Variants in CADPS2 observed in about 807,000 individuals in gnomAD.
CADPS2 encodes the protein calcium-dependent secretion activator 2.
In CADPS2, 93 loss-of-function variants were observed where a neutral mutation model predicts 172.5. The ratio of observed to expected loss-of-function variants is 0.54; its 90% CI spans 0.46 to 0.64. The LOEUF (loss-of-function observed/expected upper bound fraction) is 0.64. Among genes scored for constraint, CADPS2 ranks in the 30% least tolerant of loss-of-function variants. The pLI, the probability that CADPS2 is intolerant of heterozygous loss-of-function variation, is 0.00. For missense variants in CADPS2, 1,420 were observed against 1,565.9 expected (o/e 0.91, Z 1.57); for synonymous variants, 546 against 555.2 (o/e 0.98, Z 0.23).
At chr7:122,694,874 T>C (rs1477722384) in intron 2 of CADPS2, among the ~76,000 whole-genome samples, 1 of 152,196 alleles carries the variant, frequency 6.6e-6, no homozygotes, top group Non-Finnish European at 1.5e-5. Context: ...AAAGACTCCT[T>C]CACAGTAGCA....
chr7:122,728,405 G>A (rs1429901414), intron 2 of CADPS2, among the ~76,000 whole-genome samples: 1 of 151,870 alleles, frequency 6.6e-6, no homozygotes, highest in African/African-American at 2.4e-5. Flanking sequence ...TAAGTGAAAT[G>A]GAATGATACC....
intron 6 of CADPS2, among the ~76,000 whole-genome samples, chr7:122,586,381 C>A (rs2069692957): frequency 6.6e-6 from 1 of 151,916 alleles, no homozygotes; most frequent in African/African-American, 2.4e-5. Flanking sequence ...GTAGCTAGAG[C>A]ACTAGATATA....
intron 1 of CADPS2, among the ~76,000 whole-genome samples, chr7:122,817,713 A>G (rs1801890254): frequency 6.6e-6 from 1 of 151,302 alleles, no homozygotes; most frequent in Admixed American, 6.6e-5. Flanking sequence ...GGGAGGGGCA[A>G]GTACCCCTCA....
chr7:122,531,957 G>A (rs2061791475), intron 8 of CADPS2, among the ~76,000 whole-genome samples: 2 of 151,890 alleles, frequency 1.3e-5, no homozygotes, highest in South Asian at 2.1e-4. Context: ...CTTGAGCCCA[G>A]GAGGCGGAGG....
chr7:122,480,707 T>C (rs1256299339), intron 12 of CADPS2, 145 bp downstream of exon 12: 1 of 528,272 alleles, frequency 1.9e-6, no homozygotes, highest in Non-Finnish European at 3.2e-6. Flanking sequence ...TTTTGTTTTG[T>C]AATCAATAAA....
At chr7:122,330,206 G>C (rs2034678196) in intron 28 of CADPS2, among the ~76,000 whole-genome samples, 1 of 152,312 alleles carries the variant, frequency 6.6e-6, no homozygotes, top group Middle Eastern at 3.4e-3. Context: ...ATAACGCCAA[G>C]AAAATCTCAC....
In CADPS2 at chr7:122,558,454, CTCATT is replaced by C. The variant is rs559596118; in HGVS notation, c.1336-3770_1336-3766del. ...CTTTCCGTATGCATTTCTGCTTCTT[CTCATT>C]TATTTTTGTCACCAACACTTTAAAT... On this transcript the variant is annotated intron_variant, in intron 7 of 29. Coordinates refer to ENST00000449022, the MANE Select transcript of CADPS2 (RefSeq NM_017954.11). 1.1e-3 allele frequency among the ~76,000 whole-genome samples: 175 copies of C among 152,216 alleles called. No individual in the cohort carries two copies. In the Middle Eastern group the frequency reaches 0.014, roughly 12 times the overall value.
intron 1 of CADPS2, among the ~76,000 whole-genome samples, chr7:122,829,246 TCAC>T (rs1805801612): frequency 2.0e-5 from 3 of 152,128 alleles, no homozygotes; most frequent in Admixed American, 1.3e-4. Context: ...AACCTTCTAC[TCAC>T]CACATTTTAA....
chr7:122,403,744 C>CATTCATTGTAGATAAGTA lies in CADPS2; in HGVS notation c.2746+3778_2746+3795dup, dbSNP rs1255125103. ...TAATTCATTGGAATTAATGATATTC[C>CATTCATTGTAGATAAGTA]ATTCATTGTAGATAAGTAATTCATT... On this transcript the variant is annotated intron_variant, in intron 20 of 29. Coordinates refer to ENST00000449022, the MANE Select transcript of CADPS2 (RefSeq NM_017954.11). Among the ~76,000 whole-genome samples, 578 of 151,876 alleles carry CATTCATTGTAGATAAGTA rather than the reference C, an allele frequency of 3.8e-3. 4 individuals are homozygous for CATTCATTGTAGATAAGTA. The highest frequency in any genetic ancestry group is 0.013 in the African/African-American group (544 of 41,370).
At chr7:122,806,049 T>C (rs1029591775) in intron 1 of CADPS2, among the ~76,000 whole-genome samples, 3 of 152,216 alleles carry the variant, frequency 2.0e-5, no homozygotes, top group Admixed American at 1.3e-4. Context: ...TATGATCATT[T>C]CTGAAAATAT....
chr7:122,541,362 ATTTT>A (rs34290734), intron 8 of CADPS2, among the ~76,000 whole-genome samples: 1 of 132,644 alleles, frequency 7.5e-6, no homozygotes, highest in African/African-American at 2.8e-5. Flanking sequence ...ACACCCAGCT[ATTTT>A]TTTTTTTTTT....
At chr7:122,725,169 C>G (rs914974856) in intron 2 of CADPS2, among the ~76,000 whole-genome samples, 5 of 151,876 alleles carry the variant, frequency 3.3e-5, no homozygotes, top group East Asian at 3.9e-4. Context: ...TACTACTGTA[C>G]TTTATTGTCT....
intron 8 of CADPS2, among the ~76,000 whole-genome samples, chr7:122,551,833 A>G (rs1201964656): frequency 2.0e-5 from 3 of 152,196 alleles, no homozygotes; most frequent in African/African-American, 7.2e-5. Context: ...TTAATCTACT[A>G]TTCCTGTTAT....
chr7:122,539,840 G>T (rs2062739489), intron 8 of CADPS2, among the ~76,000 whole-genome samples: 1 of 149,360 alleles, frequency 6.7e-6, no homozygotes, highest in African/African-American at 2.5e-5. Context: ...TCTTTCTTTA[G>T]TAAAGCATGC....
intron 1 of CADPS2, among the ~76,000 whole-genome samples, chr7:122,874,007 GT>G (rs1038884504): frequency 0.021 from 3,166 of 149,136 alleles, 83 homozygotes; most frequent in African/African-American, 0.067. Context: ...TTTTTGATGG[GT>G]TTTTTTTTTC....
At chr7:122,644,737 G>A (rs1457501057) in intron 3 of CADPS2, among the ~76,000 whole-genome samples, 1 of 151,884 alleles carries the variant, frequency 6.6e-6, no homozygotes, top group African/African-American at 2.4e-5. Flanking sequence ...TGTTCTTTTT[G>A]TAATTTCATA....
chr7:122,568,893 A>C (rs1179127048), intron 7 of CADPS2, among the ~76,000 whole-genome samples: 1 of 152,176 alleles, frequency 6.6e-6, no homozygotes, highest in Non-Finnish European at 1.5e-5. Flanking sequence ...GAATAACGAG[A>C]GCTATCTATG....
chr7:122,428,452 CATATAT>C (rs35344551), intron 17 of CADPS2, among the ~76,000 whole-genome samples: 7 of 144,464 alleles, frequency 4.8e-5, no homozygotes, highest in Admixed American at 1.4e-4. Context: ...TATATACACA[CATATAT>C]ATATATATAT....
chr7:122,566,119 G>A (rs987098494), intron 7 of CADPS2, among the ~76,000 whole-genome samples: 3 of 152,066 alleles, frequency 2.0e-5, no homozygotes, highest in Non-Finnish European at 4.4e-5. Flanking sequence ...CAGTTTTTAA[G>A]GCCGAATAAA....
Sources: gnomAD v4.1 joint callset for allele counts (sites outside exome capture counted in the v4.1 genomes callset) on GRCh38, gnomAD v4.1.1 for gene constraint, MANE v1.5 for transcripts, NCBI Gene and HGNC (gene_info 2026-07-23, HGNC 2026-07-21) for gene names.